Variants in AMER1 observed in about 807,000 individuals in gnomAD.
AMER1 encodes the protein RP11-403E24.2.
A neutral mutation model predicts 53.0 loss-of-function variants in AMER1; 16 were observed. That is an observed-to-expected ratio of 0.30 (90% CI 0.20 to 0.46). The LOEUF (loss-of-function observed/expected upper bound fraction) is 0.46. Among genes scored for constraint, AMER1 ranks in the 20% least tolerant of loss-of-function variants. The pLI is 1.00. For missense variants in AMER1, 947 were observed against 884.9 expected (o/e 1.07, Z -0.89); for synonymous variants, 354 against 331.9 (o/e 1.07, Z -0.73).
In AMER1 at chrX:64,187,511, T is replaced by C. The variant is rs771474050; in HGVS notation, c.*2368A>G. Reference sequence around the variant, plus strand: ...CTGCCTTCCTGATCCTGAGGGCAGCTCTCAGCCCTTAGCCAAAGGTTGGCC... The same window carrying C: ...CTGCCTTCCTGATCCTGAGGGCAGCCCTCAGCCCTTAGCCAAAGGTTGGCC... On this transcript the variant is annotated 3_prime_UTR_variant, in exon 2 of 2. Coordinates refer to ENST00000374869, the MANE Select transcript of AMER1 (RefSeq NM_152424.4). 1.3e-6 allele frequency: 1 copy of C among 781,706 alleles called. No individual in the cohort carries two copies. The highest frequency in any genetic ancestry group is 8.5e-5 in the East Asian group (1 of 11,769). 64.4% of individuals were successfully genotyped at this position (781,706 alleles called of 1,213,427 possible). A position where few individuals can be genotyped will look rare whatever the true frequency, so the allele number is the denominator to read the frequency against.
At position 64,190,320 on chromosome X, in the gene AMER1, A is replaced by G. The variant is rs1222195182; in HGVS notation, c.2967T>C (p.Tyr989=). 8.3e-7 allele frequency: 1 copy of G among 1,211,570 alleles called. No individual in the cohort carries two copies. The highest frequency in any genetic ancestry group is 2.2e-5 in the Admixed American group (1 of 46,052). ...QLDRPSSQSP[Y]RQATCCIPPM... Reference sequence around the variant, plus strand: ...GAGGTATGCAACAGGTTGCCTGCCTATATGGAGACTGGCTGGAAGGCCTGT... The same window carrying G: ...GAGGTATGCAACAGGTTGCCTGCCTGTATGGAGACTGGCTGGAAGGCCTGT... The change falls in exon 2 of 2, where the codon TAT becomes TAC. Residue 989 remains tyrosine, a synonymous_variant. Coordinates refer to ENST00000374869, the MANE Select transcript of AMER1 (RefSeq NM_152424.4).
chrX:64,201,847 G>A (rs1481569810), intron 1 of AMER1, among the ~76,000 whole-genome samples: 2 of 111,811 alleles, frequency 1.8e-5, no homozygotes, highest in Admixed American at 1.9e-4. Context: ...GAAATTTCGT[G>A]TTTCTTTGAG....
At chrX:64,193,810 A>G (rs141962442) in intron 1 of AMER1, among the ~76,000 whole-genome samples, 255 of 112,108 alleles carry the variant, frequency 2.3e-3, no homozygotes, top group African/African-American at 8.0e-3. Context: ...ATTTTTGAAA[A>G]CCATCTGGCA....
In AMER1 at chrX:64,188,491, G is replaced by T. The variant is rs1602065467; in HGVS notation, c.*1388C>A. 3 of 802,187 alleles carry T rather than the reference G, an allele frequency of 3.7e-6. No homozygotes were observed. The highest frequency in any genetic ancestry group is 1.6e-4 in the Admixed American group (2 of 12,896). The allele number at this position is 802,187 out of a possible 1,213,427, so 66.1% of individuals were successfully genotyped here. A position where few individuals can be genotyped will look rare whatever the true frequency, so the allele number is the denominator to read the frequency against. On this transcript the variant is annotated 3_prime_UTR_variant, in exon 2 of 2. Coordinates refer to ENST00000374869, the MANE Select transcript of AMER1 (RefSeq NM_152424.4). The stretch of plus-strand genomic sequence containing the variant: ...ATTCATTCCATAAAGGGCTGCAACT[G>T]CCAAGAAGCCCTGTCATTTGATGAT...
intron 1 of AMER1, among the ~76,000 whole-genome samples, chrX:64,204,163 C>A (rs961315436): frequency 8.9e-6 from 1 of 112,967 alleles, no homozygotes; most frequent in Non-Finnish European, 1.9e-5. Flanking sequence ...TGGGTGGTGC[C>A]GAATGAGGGG....
chrX:64,198,307 C>T (rs1308442458), intron 1 of AMER1, among the ~76,000 whole-genome samples: 1 of 111,817 alleles, frequency 8.9e-6, no homozygotes, highest in Non-Finnish European at 1.9e-5. Context: ...ATCCTTCACC[C>T]TCAGGGTATT....
In AMER1 at chrX:64,191,036, G is replaced by C. The variant is rs765334366; in HGVS notation, c.2251C>G (p.Pro751Ala). 1 of 1,211,978 alleles carries C rather than the reference G, an allele frequency of 8.3e-7. No individual in the cohort carries two copies. ...ACCTCCTCTTCCTCTGGATCTTCAG[G>C]GGGTGAATAAGTAGGGTAGGCCCTC... ...PRRAYPTYSP[P>A]EDPEEEEVEK... is the part of the protein sequence containing the mutation. The change falls in exon 2 of 2, where the codon CCT (proline) becomes GCT (alanine). Residue 751 changes from proline to alanine, a missense_variant. Physicochemically the swap from Pro to Ala is conservative, Grantham distance 27 (BLOSUM62 -1). Coordinates refer to ENST00000374869, the MANE Select transcript of AMER1 (RefSeq NM_152424.4).
rs775106309 is a variant in AMER1, at chrX:64,189,536, A to AT, written c.*342dup. 650 of 104,484 alleles carry AT rather than the reference A, an allele frequency of 6.2e-3. 20 individuals carry two copies. Among genetic ancestry groups the AT allele is most frequent in the African/African-American group, 0.06 (614 of 10,259 alleles). The allele number at this position is 104,484 out of a possible 1,213,427, so 8.6% of individuals were successfully genotyped here. A position where few individuals can be genotyped will look rare whatever the true frequency, so the allele number is the denominator to read the frequency against. ...TGTGTATATATATATATATATATAT[A>AT]TATATATATATATATATATATAATC... On this transcript the variant is annotated 3_prime_UTR_variant, in exon 2 of 2. Transcript: ENST00000374869.
rs1347192295 is a variant in AMER1 at position 64,186,399 on chromosome X, A to G, written c.*3480T>C. On this transcript the variant is annotated 3_prime_UTR_variant, in exon 2 of 2. Coordinates refer to ENST00000374869, the MANE Select transcript of AMER1 (RefSeq NM_152424.4). ...TTGTTTTCCATGAATATAAAATGCA[A>G]ACAATATAAAAATAGATAATTGACT... 3.6e-6 allele frequency: 3 copies of G among 833,781 alleles called. No homozygotes were observed. Among genetic ancestry groups the G allele is most frequent in the Non-Finnish European group, 4.4e-6 (3 of 675,066 alleles). 68.7% of individuals were successfully genotyped at this position (833,781 alleles called of 1,213,427 possible).
At position 64,190,840 on chromosome X, in the gene AMER1, C is replaced by T. The variant is rs1569191603; in HGVS notation, c.2447G>A (p.Arg816Gln). 20 of 1,211,722 alleles carry T rather than the reference C, an allele frequency of 1.7e-5. No homozygotes were observed. The highest frequency in any genetic ancestry group is 2.1e-5 in the Non-Finnish European group (19 of 895,475). ...MVTFDIADVERDGEGKCEENP... is the reference protein window; with the variant it reads ...MVTFDIADVEQDGEGKCEENP... ...CTCTTCACACTTGCCTTCCCCATCC[C>T]GTTCCACATCAGCGATGTCAAAGGT... The change falls in exon 2 of 2, where the codon CGG becomes CAG. Residue 816 changes from arginine to glutamine, a missense_variant. Physicochemically the swap from Arg to Gln is conservative, Grantham distance 43 (BLOSUM62 1). Transcript: ENST00000374869.
chrX:64,189,793 A>ACCGGGGCCCCCCCCCCC lies in AMER1; in HGVS notation c.*85_*86insGGGGGGGGGGGCCCCGG. The stretch of plus-strand genomic sequence containing the variant: ...CAAAGGGTTTTCAAGTTAAACAACA[A>ACCGGGGCCCCCCCCCCC]CCCCCACCCCCCCACCCTTCTGCCC... On this transcript the variant is annotated 3_prime_UTR_variant, in exon 2 of 2. Transcript: ENST00000374869. The ACCGGGGCCCCCCCCCCC allele has an allele frequency of 3.4e-6, 1 of 292,069 alleles. No individual in the cohort carries two copies. Among genetic ancestry groups the ACCGGGGCCCCCCCCCCC allele is most frequent in the Non-Finnish European group, 4.9e-6 (1 of 204,827 alleles). The allele number at this position is 292,069 out of a possible 1,213,427, so 24.1% of individuals were successfully genotyped here.
rs1371810064 is a variant in AMER1 at position 64,192,821 on chromosome X, C to G, written c.466G>C (p.Ala156Pro). ...TTGGGCATAGAGGGAAACTTCTCAG[C>G]CACAGCTTTCTCTGTGGCTCCAGCC... ...SVAGATEKAV[A>P]EKFPSMPKPK... The change falls in exon 2 of 2, where the codon GCT (alanine) becomes CCT (proline). Residue 156 changes from alanine to proline, a missense_variant. Ala to Pro is a conservative substitution (Grantham distance 27). Coordinates refer to ENST00000374869, the MANE Select transcript of AMER1 (RefSeq NM_152424.4). The G allele has an allele frequency of 3.3e-6, 4 of 1,211,862 alleles. No homozygotes were observed. The highest frequency in any genetic ancestry group is 4.5e-6 in the Non-Finnish European group (4 of 895,517).
chrX:64,186,249 G>C lies in AMER1; in HGVS notation c.*3630C>G, dbSNP rs1930105856. On this transcript the variant is annotated 3_prime_UTR_variant, in exon 2 of 2. Transcript: ENST00000374869. ...GGTAGGGAGAGGGGAAAGAGGGAGGGCCCTAGGCAGTTGAGATGCCAGCCC... is the reference window on the plus strand; with the variant it reads ...GGTAGGGAGAGGGGAAAGAGGGAGGCCCCTAGGCAGTTGAGATGCCAGCCC... 6 of 1,138,875 alleles carry C rather than the reference G, an allele frequency of 5.3e-6. No homozygotes were observed. In the East Asian group the frequency reaches 1.9e-4, roughly 36 times the overall value. 93.9% of individuals were successfully genotyped at this position (1,138,875 alleles called of 1,213,427 possible). A position where few individuals can be genotyped will look rare whatever the true frequency, so the allele number is the denominator to read the frequency against.
At position 64,186,531 on chromosome X, in the gene AMER1, C is replaced by G. The variant is rs186024552; in HGVS notation, c.*3348G>C. ...CCCATGCCTCCCTCTAGCAACTGGG[C>G]CTGGGGGCTGAGGGCAGGTGGGGTG... On this transcript the variant is annotated 3_prime_UTR_variant, in exon 2 of 2. Transcript: ENST00000374869. The G allele has an allele frequency of 1.3e-6, 1 of 781,332 alleles. No individual in the cohort carries two copies. The highest frequency in any genetic ancestry group is 2.2e-5 in the African/African-American group (1 of 44,669). The allele number at this position is 781,332 out of a possible 1,213,427, so 64.4% of individuals were successfully genotyped here. A position where few individuals can be genotyped will look rare whatever the true frequency, so the allele number is the denominator to read the frequency against.
chrX:64,204,262 C>G (rs910975286), intron 1 of AMER1, among the ~76,000 whole-genome samples: 2 of 113,641 alleles, frequency 1.8e-5, no homozygotes, highest in African/African-American at 6.4e-5. Context: ...CATGCCCACG[C>G]CGCTGCAGCA....
Position 64,189,260 on chromosome X carries a change from A to G in AMER1, c.*619T>C, listed in dbSNP as rs1930173032. ...CTGATATAATGATGGCAGCTATGCC[A>G]GGCCAAAAGGAATAGGGGTGGGGAG... On this transcript the variant is annotated 3_prime_UTR_variant, in exon 2 of 2. Coordinates refer to ENST00000374869, the MANE Select transcript of AMER1 (RefSeq NM_152424.4). 1.3e-6 allele frequency: 1 copy of G among 794,922 alleles called. No individual in the cohort carries two copies. Among genetic ancestry groups the G allele is most frequent in the Non-Finnish European group, 1.5e-6 (1 of 664,534 alleles). The allele number at this position is 794,922 out of a possible 1,213,427, so 65.5% of individuals were successfully genotyped here.
intron 1 of AMER1, among the ~76,000 whole-genome samples, chrX:64,195,954 G>C (rs1011006051): frequency 8.9e-6 from 1 of 112,578 alleles, no homozygotes; most frequent in Non-Finnish European, 1.9e-5. Context: ...ACATCCTTGT[G>C]AATCAAAGGC....
chrX:64,196,420 C>T (rs1416033521), intron 1 of AMER1, among the ~76,000 whole-genome samples: 1 of 112,118 alleles, frequency 8.9e-6, no homozygotes, highest in African/African-American at 3.2e-5. Flanking sequence ...CTGTATAGTA[C>T]AGTGCAAATG....
At position 64,188,017 on chromosome X, in the gene AMER1, TGTGA is replaced by T. The variant is rs1930142077; in HGVS notation, c.*1858_*1861del. ...GCTTCTACCAGCCAGGTCTGCTATT[TGTGA>T]GTAAGGGCACTGGGCCAACCCCAAT... On this transcript the variant is annotated 3_prime_UTR_variant, in exon 2 of 2. Transcript: ENST00000374869. 1 of 781,815 alleles carries T rather than the reference TGTGA, an allele frequency of 1.3e-6. No individual in the cohort carries two copies. The highest frequency in any genetic ancestry group is 2.2e-5 in the African/African-American group (1 of 44,869). 64.4% of individuals were successfully genotyped at this position (781,815 alleles called of 1,213,427 possible).
Sources: gnomAD v4.1 joint callset for allele counts (sites outside exome capture counted in the v4.1 genomes callset) on GRCh38, gnomAD v4.1.1 for gene constraint, MANE v1.5 for transcripts, NCBI Gene and HGNC (gene_info 2026-07-23, HGNC 2026-07-21) for gene names.